Variants in PTPRK observed in about 807,000 individuals in gnomAD.
PTPRK encodes receptor-type tyrosine-protein phosphatase kappa.
A neutral mutation model predicts 178.0 loss-of-function variants in PTPRK; 75 were observed. The ratio of observed to expected loss-of-function variants is 0.42; its 90% CI spans 0.35 to 0.51. The LOEUF is 0.51. Ranked by LOEUF, PTPRK falls within the 20% of genes least tolerant of loss-of-function variation. The pLI is 0.02. For missense variants in PTPRK, 1,441 were observed against 1,797.8 expected (o/e 0.80, Z 3.59); for synonymous variants, 637 against 620.6 (o/e 1.03, Z -0.39).
At chr6:128,331,861 C>A (rs190208702) in intron 2 of PTPRK, among the ~76,000 whole-genome samples, 67 of 152,258 alleles carry the variant, frequency 4.4e-4, no homozygotes, top group Middle Eastern at 3.4e-3. Flanking sequence ...AAAATATAAA[C>A]CTGTTTCCTT....
intron 3 of PTPRK, among the ~76,000 whole-genome samples, chr6:128,277,105 G>C (rs951421603): frequency 2.0e-5 from 3 of 151,144 alleles, no homozygotes; most frequent in African/African-American, 7.3e-5. Context: ...TGGCACAACA[G>C]TGTCAGTCTG....
chr6:128,104,444 G>A (rs1222769221), intron 7 of PTPRK, among the ~76,000 whole-genome samples: 2 of 152,246 alleles, frequency 1.3e-5, no homozygotes, highest in African/African-American at 4.8e-5. Context: ...GGACGGTCTC[G>A]AACTCCTAAC....
intron 3 of PTPRK, among the ~76,000 whole-genome samples, chr6:128,296,180 T>C (rs1407431312): frequency 1.3e-5 from 2 of 152,060 alleles, no homozygotes; most frequent in African/African-American, 2.4e-5. Context: ...CCACAGTGAC[T>C]CCTTGCAACC....
At chr6:128,201,410 G>T (rs948245127) in intron 6 of PTPRK, among the ~76,000 whole-genome samples, 15 of 152,228 alleles carry the variant, frequency 9.9e-5, no homozygotes, top group African/African-American at 2.9e-4. Context: ...CCATGCACAT[G>T]TGAGTGTGCA....
intron 12 of PTPRK, among the ~76,000 whole-genome samples, chr6:128,065,435 C>G (rs1174791069): frequency 6.6e-6 from 1 of 152,098 alleles, no homozygotes; most frequent in African/African-American, 2.4e-5. Context: ...TTATTTTTAA[C>G]GCTGTCAGGT....
intron 7 of PTPRK, among the ~76,000 whole-genome samples, chr6:128,161,123 AC>A (rs891913894): frequency 6.6e-6 from 1 of 151,750 alleles, no homozygotes; most frequent in Non-Finnish European, 1.5e-5. Flanking sequence ...AAAAGATACA[AC>A]TTCTTAGCCC....
chr6:128,148,867 C>T (rs1796867459), intron 7 of PTPRK, among the ~76,000 whole-genome samples: 1 of 151,900 alleles, frequency 6.6e-6, no homozygotes, highest in East Asian at 1.9e-4. Context: ...AATTTATTTG[C>T]ATGTTAATTA....
chr6:128,518,564 G>A (rs534627676), intron 1 of PTPRK, among the ~76,000 whole-genome samples: 7 of 152,286 alleles, frequency 4.6e-5, no homozygotes, highest in East Asian at 1.9e-4. Flanking sequence ...CTTTTCAAGC[G>A]TAGGCTCTCC....
rs143135608 is a variant in PTPRK, at chr6:128,188,901, A to C, written c.869-4176T>G. Among the ~76,000 whole-genome samples the C allele has an allele frequency of 2.3e-3, 352 of 152,160 alleles. 3 individuals are homozygous for C. Among genetic ancestry groups the C allele is most frequent in the African/African-American group, 8.0e-3 (333 of 41,520 alleles). ...TTCCATATGGATATGGATGCTTGTG[A>C]TTGCAGTTAGGCCCCATATGTATAA... On this transcript the variant is annotated intron_variant, in intron 6 of 29. Coordinates refer to ENST00000368226, the MANE Select transcript of PTPRK (RefSeq NM_002844.4).
chr6:128,446,905 A>G (rs1847103503), intron 1 of PTPRK, among the ~76,000 whole-genome samples: 2 of 152,200 alleles, frequency 1.3e-5, no homozygotes, highest in African/African-American at 4.8e-5. Flanking sequence ...GACAAAGTCA[A>G]GTAATACTTT....
At chr6:128,189,648 C>A (rs1335889434) in intron 6 of PTPRK, among the ~76,000 whole-genome samples, 4 of 152,082 alleles carry the variant, frequency 2.6e-5, no homozygotes, top group African/African-American at 9.7e-5. Flanking sequence ...AGAATGTTTG[C>A]CCTGCAGATG....
chr6:128,457,036 T>G (rs796390951), intron 1 of PTPRK, among the ~76,000 whole-genome samples: 6 of 152,266 alleles, frequency 3.9e-5, no homozygotes, highest in African/African-American at 1.4e-4. Flanking sequence ...GACATCAATT[T>G]GTTGCCATGG....
intron 7 of PTPRK, among the ~76,000 whole-genome samples, chr6:128,134,406 T>C (rs2114477497): frequency 6.6e-6 from 1 of 152,324 alleles, no homozygotes. Flanking sequence ...GAACATTTTA[T>C]AGTCACCTGT....
intron 12 of PTPRK, among the ~76,000 whole-genome samples, chr6:128,065,791 G>T (rs1304167616): frequency 1.3e-5 from 2 of 152,088 alleles, no homozygotes; most frequent in Non-Finnish European, 2.9e-5. Flanking sequence ...ACCTGCAAGA[G>T]ATTATTTCAC....
intron 3 of PTPRK, 36 bp from the exon 4 acceptor site, chr6:128,242,638 G>T: frequency 6.2e-7 from 1 of 1,603,196 alleles, no homozygotes; most frequent in Non-Finnish European, 8.5e-7. Flanking sequence ...TACAACAATA[G>T]TTTTCAAGGA....
chr6:128,197,749 G>A (rs1805154905), intron 6 of PTPRK, among the ~76,000 whole-genome samples: 1 of 151,824 alleles, frequency 6.6e-6, no homozygotes, highest in African/African-American at 2.4e-5. Flanking sequence ...GACTATTACG[G>A]TAGACAACAA....
chr6:128,072,540 T>C (rs1211876302), intron 11 of PTPRK, among the ~76,000 whole-genome samples: 1 of 152,042 alleles, frequency 6.6e-6, no homozygotes, highest in Non-Finnish European at 1.5e-5. Context: ...ACATTAAAAT[T>C]TGAAGTACAG....
intron 10 of PTPRK, 119 bp downstream of exon 10, chr6:128,082,318 T>C (rs1784968889): frequency 3.3e-6 from 3 of 903,586 alleles, no homozygotes; most frequent in Admixed American, 4.1e-5. Context: ...TATGCATAAC[T>C]ATATTAAAGG....
chr6:127,995,369 T>A (rs1777033143), intron 18 of PTPRK, 93 bp downstream of exon 18: 5 of 1,518,164 alleles, frequency 3.3e-6, no homozygotes, highest in Non-Finnish European at 4.5e-6. Flanking sequence ...TTTTATATTT[T>A]AAAAAGCTAG....
Sources: gnomAD v4.1 joint callset for allele counts (sites outside exome capture counted in the v4.1 genomes callset) on GRCh38, gnomAD v4.1.1 for gene constraint, MANE v1.5 for transcripts, NCBI Gene and HGNC (gene_info 2026-07-23, HGNC 2026-07-21) for gene names.